The following PAFAH1B2 variants were observed in gnomAD, a reference collection of about 807,000 sequenced individuals.
The protein encoded by PAFAH1B2 is platelet-activating factor acetylhydrolase IB subunit alpha2.
In PAFAH1B2, 8 loss-of-function variants were observed where a neutral mutation model predicts 28.0. That is an observed-to-expected ratio of 0.29 (90% CI 0.17 to 0.52). The LOEUF (loss-of-function observed/expected upper bound fraction) is 0.52, where lower values mean the gene tolerates loss of function less well. Ranked by LOEUF, PAFAH1B2 falls within the 20% of genes least tolerant of loss-of-function variation. The pLI is 0.97. For missense variants in PAFAH1B2, 190 were observed against 282.6 expected, an observed-to-expected ratio of 0.67 and a Z score of 2.35; for synonymous variants, 104 against 103.2, an observed-to-expected ratio of 1.01 and a Z score of -0.05.
At chr11:117,174,938 C>A, downstream of PAFAH1B2, 2 of 1,521,810 alleles carry the variant, frequency 1.3e-6, no homozygotes, top group Non-Finnish European at 1.8e-6. Context: ...TTTAACAATA[C>A]CCCTGAGCCA....
chr11:117,163,695 T>G, intron 4 of PAFAH1B2, 75 bp from the exon 5 acceptor site: 1 of 1,462,332 alleles, frequency 6.8e-7, no homozygotes. Flanking sequence ...AAAAAAGATT[T>G]TCATCTAAAT....
chr11:117,164,830 T>G (rs1311370062), intron 5 of PAFAH1B2, among the ~76,000 whole-genome samples: 1 of 151,844 alleles, frequency 6.6e-6, no homozygotes, highest in Non-Finnish European at 1.5e-5. Flanking sequence ...GGTCAGGATT[T>G]CAAGACCAGC....
downstream of PAFAH1B2, chr11:117,171,111 T>C (rs1591757780): frequency 1.0e-6 from 1 of 983,770 alleles, no homozygotes; most frequent in East Asian, 6.8e-5. Context: ...GGATGGTTTT[T>C]CCCTGCCTTA....
intron 2 of PAFAH1B2, among the ~76,000 whole-genome samples, chr11:117,155,775 G>A (rs1956243133): frequency 1.3e-5 from 2 of 152,080 alleles, no homozygotes; most frequent in South Asian, 4.1e-4. Context: ...AGAAGAGTGT[G>A]ACCTGGGAGG....
chr11:117,168,926 G>C lies in PAFAH1B2; in HGVS notation c.*1227G>C, dbSNP rs1956582627. ...CTGCCTCAGCTTCCTGAGTAGCTGGGATTACAGGTGCATGCCACCATGCCC... is the reference window on the plus strand; with the variant it reads ...CTGCCTCAGCTTCCTGAGTAGCTGGCATTACAGGTGCATGCCACCATGCCC... On this transcript the variant is annotated 3_prime_UTR_variant, in exon 6 of 6. Transcript: ENST00000527958. 1 of 293,490 alleles carries C rather than the reference G, an allele frequency of 3.4e-6. No individual in the cohort carries two copies. Among genetic ancestry groups the C allele is most frequent in the East Asian group, 8.5e-5 (1 of 11,752 alleles). 18.2% of individuals were successfully genotyped at this position (293,490 alleles called of 1,614,324 possible).
rs189203278 is a variant in PAFAH1B2, at chr11:117,151,173, C to T, written c.-7-1268C>T. ...TAGAAGATTAGCAGTTCTAATTTTG[C>T]GGAATTTTACTTGCTAGATGACATA... On this transcript the variant is annotated intron_variant, in intron 1 of 5. Transcript: ENST00000527958. Among the ~76,000 whole-genome samples, 59 of 151,174 alleles carry T rather than the reference C, an allele frequency of 3.9e-4. 1 individual carries two copies. The South Asian group carries it at 6.5e-3, about 17-fold the overall frequency.
At chr11:117,174,743 G>C, downstream of PAFAH1B2, 1 of 450,234 alleles carries the variant, frequency 2.2e-6, no homozygotes, top group Non-Finnish European at 3.9e-6. Context: ...CTCCCAAAGT[G>C]CTGGGATTAC....
Position 117,169,252 on chromosome 11 carries a change from T to C in PAFAH1B2, c.*1553T>C. ...AGGTGTCTTATTAATGTACTTCATC[T>C]GAGAATTTGTTGATCTTAATGTTCG... is the stretch of plus-strand genomic sequence containing the variant. On this transcript the variant is annotated 3_prime_UTR_variant, in exon 6 of 6. Transcript: ENST00000527958. 6.7e-6 allele frequency: 7 copies of C among 1,037,608 alleles called. No homozygotes were observed. Among genetic ancestry groups the C allele is most frequent in the Middle Eastern group, 8.9e-4 (2 of 2,242 alleles). 64.3% of individuals were successfully genotyped at this position (1,037,608 alleles called of 1,614,324 possible). A position where few individuals can be genotyped will look rare whatever the true frequency, so the allele number is the denominator to read the frequency against.
In PAFAH1B2 at chr11:117,170,450, G is replaced by C; in HGVS notation, c.*2751G>C. ...GTACTGCCACGGGTGATCTAGGGCAGGCTGTCTTCCAGTCCATGTGTTCTC... is the reference window on the plus strand; with the variant it reads ...GTACTGCCACGGGTGATCTAGGGCACGCTGTCTTCCAGTCCATGTGTTCTC... On this transcript the variant is annotated 3_prime_UTR_variant, in exon 6 of 6. Coordinates refer to ENST00000527958, the MANE Select transcript of PAFAH1B2 (RefSeq NM_002572.4). 1.5e-5 allele frequency: 16 copies of C among 1,059,708 alleles called. No homozygotes were observed. Among genetic ancestry groups the C allele is most frequent in the Non-Finnish European group, 1.8e-5 (16 of 876,420 alleles). The allele number at this position is 1,059,708 out of a possible 1,614,324, so 65.6% of individuals were successfully genotyped here.
In PAFAH1B2 at chr11:117,170,821, C is replaced by A. The variant is rs916671051; in HGVS notation, c.*3122C>A. On this transcript the variant is annotated 3_prime_UTR_variant, in exon 6 of 6. Coordinates refer to ENST00000527958, the MANE Select transcript of PAFAH1B2 (RefSeq NM_002572.4). The stretch of plus-strand genomic sequence containing the variant: ...AGGAGCATGTCCAAGCTCCTAAATC[C>A]GTGTGGGTGCATGTGGGAGAAGTGA... 3.8e-6 allele frequency: 4 copies of A among 1,059,254 alleles called. No homozygotes were observed. Among genetic ancestry groups the A allele is most frequent in the Non-Finnish European group, 3.4e-6 (3 of 875,698 alleles). The allele number at this position is 1,059,254 out of a possible 1,614,324, so 65.6% of individuals were successfully genotyped here.
At chr11:117,164,115 A>G (rs1019312401) in intron 5 of PAFAH1B2, 4 of 408,798 alleles carry the variant, frequency 9.8e-6, no homozygotes, top group South Asian at 3.5e-5. Context: ...GTTTAGAAGT[A>G]TGGAAGCCGT....
Position 117,169,424 on chromosome 11 carries a change from G to C in PAFAH1B2, c.*1725G>C. On this transcript the variant is annotated 3_prime_UTR_variant, in exon 6 of 6. Coordinates refer to ENST00000527958, the MANE Select transcript of PAFAH1B2 (RefSeq NM_002572.4). Reference sequence around the variant, plus strand: ...AACCCATCAAAATATGCTCTGCAGTGATTCCGCTTAATGTTTAAATTCAGT... The same window carrying C: ...AACCCATCAAAATATGCTCTGCAGTCATTCCGCTTAATGTTTAAATTCAGT... The C allele has an allele frequency of 9.5e-7, 1 of 1,053,164 alleles. No individual in the cohort carries two copies. The highest frequency in any genetic ancestry group is 1.1e-6 in the Non-Finnish European group (1 of 871,712). 65.2% of individuals were successfully genotyped at this position (1,053,164 alleles called of 1,614,324 possible).
chr11:117,149,430 G>GTTCTTTTTTTTTTT lies in PAFAH1B2; in HGVS notation c.-7-3009_-7-3008insCTTTTTTTTTTTTT, dbSNP rs1555027905. On this transcript the variant is annotated intron_variant, in intron 1 of 5. Transcript: ENST00000527958. ...TTAATTTAAAAAAAGTTTTCTAATC[G>GTTCTTTTTTTTTTT]TTTTTTTTTTTTTTGAGATGGAGTC... Among the ~76,000 whole-genome samples the GTTCTTTTTTTTTTT allele has an allele frequency of 1.1e-3, 91 of 86,074 alleles. 7 individuals are homozygous for GTTCTTTTTTTTTTT. Among genetic ancestry groups the GTTCTTTTTTTTTTT allele is most frequent in the South Asian group, 1.5e-3 (4 of 2,608 alleles). 56.5% of individuals were successfully genotyped at this position (86,074 alleles called of 152,430 possible). A position where few individuals can be genotyped will look rare whatever the true frequency, so the allele number is the denominator to read the frequency against.
chr11:117,163,831 G>C lies in PAFAH1B2; in HGVS notation c.350G>C (p.Gly117Ala). The change falls in exon 5 of 6, where the codon GGG (glycine) becomes GCG (alanine). Residue 117 changes from glycine to alanine, a missense_variant. Transcript: ENST00000527958. ...HENTAEEVAG[G>A]IEAIVQLINT... ...AATACAGCAGAAGAAGTAGCAGGTG[G>C]GATCGAGGCCATTGTACAACTTATC... The C allele has an allele frequency of 1.2e-6, 2 of 1,613,974 alleles. No homozygotes were observed.
At chr11:117,161,080 T>G in intron 3 of PAFAH1B2, 65 bp from the exon 4 acceptor site, 1 of 965,400 alleles carries the variant, frequency 1.0e-6, no homozygotes, top group South Asian at 1.4e-5. Flanking sequence ...TGCAACACAT[T>G]GCAGTCGAAA....
At chr11:117,156,137 G>A (rs1956249978) in intron 2 of PAFAH1B2, among the ~76,000 whole-genome samples, 3 of 152,190 alleles carry the variant, frequency 2.0e-5, no homozygotes, top group Non-Finnish European at 4.4e-5. Context: ...GTAGTAAGCT[G>A]TGATCATGCA....
intron 1 of PAFAH1B2, among the ~76,000 whole-genome samples, chr11:117,148,768 A>G (rs1415619635): frequency 2.6e-5 from 4 of 152,218 alleles, no homozygotes; most frequent in African/African-American, 9.6e-5. Flanking sequence ...ATAATAATAA[A>G]GAGATCGTAT....
chr11:117,172,108 A>G (rs1043193460), downstream of PAFAH1B2, among the ~76,000 whole-genome samples: 6 of 152,026 alleles, frequency 3.9e-5, no homozygotes, highest in African/African-American at 1.4e-4. Context: ...AGTGGTAGTA[A>G]TGTGGAAGAA....
In PAFAH1B2 at chr11:117,170,023, A is replaced by G. The variant is rs61905518; in HGVS notation, c.*2324A>G. 33,052 of 1,055,100 alleles carry G rather than the reference A, an allele frequency of 0.031. 526 individuals are homozygous for G. The highest frequency in any genetic ancestry group is 0.033 in the Admixed American group (615 of 18,394). The allele number at this position is 1,055,100 out of a possible 1,614,324, so 65.4% of individuals were successfully genotyped here. Reference sequence around the variant, plus strand: ...CTACCAGAGCTATTCAAGCAATAGTATTTGAACCACTAGCCTTTTAAATAA... The same window carrying G: ...CTACCAGAGCTATTCAAGCAATAGTGTTTGAACCACTAGCCTTTTAAATAA... On this transcript the variant is annotated 3_prime_UTR_variant, in exon 6 of 6. Transcript: ENST00000527958.
Sources: allele counts gnomAD v4.1 joint callset (sites outside exome capture counted in the v4.1 genomes callset), GRCh38; gene constraint gnomAD v4.1.1; transcripts MANE v1.5; gene names NCBI Gene and HGNC (gene_info 2026-07-23, HGNC 2026-07-21).